The following USP37 variants were observed in gnomAD, a reference collection of about 807,000 sequenced individuals.
USP37 encodes the protein ubiquitin carboxyl-terminal hydrolase 37.
A neutral mutation model predicts 124.0 loss-of-function variants in USP37; 27 were observed. That is an observed-to-expected ratio of 0.22 (90% CI 0.16 to 0.30). The LOEUF (loss-of-function observed/expected upper bound fraction) is 0.30, where lower values mean the gene tolerates loss of function less well. Ranked by LOEUF, USP37 falls within the 10% of genes least tolerant of loss-of-function variation. The pLI, the probability that USP37 is intolerant of heterozygous loss-of-function variation, is 1.00. For synonymous variants in USP37, 365 were observed against 388.0 expected, an observed-to-expected ratio of 0.94 and a Z score of 0.70; for missense variants, 889 against 1,140.4, an observed-to-expected ratio of 0.78 and a Z score of 3.17.
chr2:218,474,863 T>A lies in USP37; in HGVS notation c.2066A>T (p.Glu689Val), dbSNP rs758626127. ...LEKDSKLCPIEPDKSELENSG... is the reference protein window; with the variant it reads ...LEKDSKLCPIVPDKSELENSG... ...GTTTTCCAATTCAGACTTGTCAGGC[T>A]CTATTGGGCATAATTTTGAATCCTG... is the stretch of plus-strand genomic sequence containing the variant. The change falls in exon 20 of 26, where the codon GAG becomes GTG. Residue 689 changes from glutamate (E) to valine (V), a missense_variant. Physicochemically the swap from Glu to Val is moderately radical, Grantham distance 121. Coordinates refer to ENST00000258399, the MANE Select transcript of USP37 (RefSeq NM_020935.3). The A allele has an allele frequency of 6.2e-7, 1 of 1,612,974 alleles. No homozygotes were observed. The highest frequency in any genetic ancestry group is 1.7e-5 in the Admixed American group (1 of 59,840).
chr2:218,562,026 A>G (rs1693339294), intron 2 of USP37, among the ~76,000 whole-genome samples: 3 of 152,198 alleles, frequency 2.0e-5, no homozygotes, highest in Admixed American at 1.3e-4. Context: ...TTTACACATT[A>G]CCCTCTTTAA....
At chr2:218,519,753 C>T (rs1053365267) in intron 10 of USP37, among the ~76,000 whole-genome samples, 8 of 151,486 alleles carry the variant, frequency 5.3e-5, no homozygotes, top group Non-Finnish European at 1.2e-4. Context: ...ACTGGGGAGG[C>T]AGAGGTTGCA....
At chr2:218,455,805 T>C (rs35813908) in intron 24 of USP37, 87 bp from the exon 25 acceptor site, 51,756 of 1,422,614 alleles carry the variant, frequency 0.036, 1,124 homozygotes, top group East Asian at 0.11. Flanking sequence ...CTCAGCACTT[T>C]GGGAGGCTGA....
At chr2:218,494,344 A>C (rs891570035) in intron 14 of USP37, among the ~76,000 whole-genome samples, 1 of 152,258 alleles carries the variant, frequency 6.6e-6, no homozygotes, top group Non-Finnish European at 1.5e-5. Flanking sequence ...AATGGAAAAG[A>C]AGCAGTATTT....
In USP37 at chr2:218,476,889, C is replaced by T; in HGVS notation, c.1994G>A (p.Arg665Lys). The change falls in exon 19 of 26, where the codon AGA (arginine) becomes AAA (lysine). Residue 665 changes from arginine to lysine, a missense_variant. Coordinates refer to ENST00000258399, the MANE Select transcript of USP37 (RefSeq NM_020935.3). ...TTCGTTGCCTAACATTTCACAAAGT[C>T]TCTGGCTGAGGGCCACAGAACGTTT... ...ELKRSVALSQ[R>K]LCEMLGNEQQ... is the part of the protein sequence containing the mutation. The T allele has an allele frequency of 6.2e-7, 1 of 1,610,348 alleles. No individual in the cohort carries two copies. Among genetic ancestry groups the T allele is most frequent in the Non-Finnish European group, 8.5e-7 (1 of 1,178,540 alleles).
intron 10 of USP37, among the ~76,000 whole-genome samples, chr2:218,514,780 T>C (rs1302589189): frequency 6.6e-6 from 1 of 152,264 alleles, no homozygotes; most frequent in Non-Finnish European, 1.5e-5. Context: ...GGTAATATTT[T>C]ATTCCTACAA....
intron 10 of USP37, among the ~76,000 whole-genome samples, chr2:218,522,426 G>A (rs376559878): frequency 6.6e-6 from 1 of 150,544 alleles, no homozygotes; most frequent in Non-Finnish European, 1.5e-5. Flanking sequence ...AGCCAAGCAC[G>A]GTGGCACACA....
intron 20 of USP37, among the ~76,000 whole-genome samples, chr2:218,466,904 T>C (rs1449531343): frequency 6.6e-6 from 1 of 151,798 alleles, no homozygotes; most frequent in Admixed American, 6.6e-5. Flanking sequence ...TAACTAATTT[T>C]TGTTTTAGTA....
chr2:218,549,743 C>G (rs1046133531), intron 6 of USP37, 66 bp downstream of exon 6: 1 of 1,479,192 alleles, frequency 6.8e-7, no homozygotes, highest in East Asian at 2.4e-5. Flanking sequence ...GGATTACAGG[C>G]GTGAGCCACT....
intron 20 of USP37, among the ~76,000 whole-genome samples, chr2:218,474,053 G>T (rs1574852611): frequency 6.6e-6 from 1 of 152,304 alleles, no homozygotes. Flanking sequence ...GCATTGTGCA[G>T]GGAATGGAGA....
At chr2:218,551,525 C>A (rs1692663376) in intron 5 of USP37, among the ~76,000 whole-genome samples, 1 of 152,206 alleles carries the variant, frequency 6.6e-6, no homozygotes, top group Non-Finnish European at 1.5e-5. Flanking sequence ...TAAAACCACA[C>A]AGAAATAACA....
At chr2:218,535,451 G>A (rs1295378220) in intron 8 of USP37, among the ~76,000 whole-genome samples, 2 of 151,112 alleles carry the variant, frequency 1.3e-5, no homozygotes, top group African/African-American at 4.9e-5. Flanking sequence ...GGTGGCTCAA[G>A]CCTTAATCCT....
At chr2:218,473,800 G>C (rs1690817357) in intron 20 of USP37, among the ~76,000 whole-genome samples, 1 of 152,186 alleles carries the variant, frequency 6.6e-6, no homozygotes, top group African/African-American at 2.4e-5. Context: ...GTCATGTGTT[G>C]CTTAATGATG....
At chr2:218,461,388 C>A (rs1690007609) in intron 22 of USP37, among the ~76,000 whole-genome samples, 1 of 152,064 alleles carries the variant, frequency 6.6e-6, no homozygotes. Context: ...TGCCTGTAAT[C>A]CCAGCTACTT....
chr2:218,532,100 C>T (rs1246637097), intron 9 of USP37, among the ~76,000 whole-genome samples: 1 of 152,192 alleles, frequency 6.6e-6, no homozygotes, highest in Non-Finnish European at 1.5e-5. Flanking sequence ...AAAATGCTAT[C>T]AAGCAGCATC....
intron 16 of USP37, among the ~76,000 whole-genome samples, chr2:218,484,650 A>C (rs1342546531): frequency 6.8e-5 from 6 of 88,062 alleles, no homozygotes; most frequent in Non-Finnish European, 1.1e-4. Flanking sequence ...ACAACAACAA[A>C]CAACCAAAAA....
chr2:218,496,942 C>T lies in USP37; in HGVS notation c.1281+792G>A, dbSNP rs532180786. Among the ~76,000 whole-genome samples, 10 of 152,180 alleles carry T rather than the reference C, an allele frequency of 6.6e-5. No individual in the cohort carries two copies. The East Asian group carries it at 1.9e-3, about 29-fold the overall frequency. ...CTGGGATTACAGGCATGAGCTACCG[C>T]ACCCAGCCTCTCCTCAGGTTTTTCA... On this transcript the variant is annotated intron_variant, in intron 13 of 25. Coordinates refer to ENST00000258399, the MANE Select transcript of USP37 (RefSeq NM_020935.3).
chr2:218,483,370 G>A (rs1481750450), intron 16 of USP37, among the ~76,000 whole-genome samples: 1 of 152,122 alleles, frequency 6.6e-6, no homozygotes, highest in African/African-American at 2.4e-5. Context: ...GCCCAACTTT[G>A]TGAACAGATT....
At chr2:218,459,223 T>C (rs1359732256) in intron 23 of USP37, among the ~76,000 whole-genome samples, 2 of 151,778 alleles carry the variant, frequency 1.3e-5, no homozygotes, top group East Asian at 3.9e-4. Context: ...CCCCCCGAGA[T>C]GGAGTTTCGC....
Sources: gnomAD v4.1 joint callset for allele counts (sites outside exome capture counted in the v4.1 genomes callset) on GRCh38, gnomAD v4.1.1 for gene constraint, MANE v1.5 for transcripts, NCBI Gene and HGNC (gene_info 2026-07-23, HGNC 2026-07-21) for gene names.